Variants in DBF4 observed in about 807,000 individuals in gnomAD.
DBF4 encodes protein DBF4 homolog A.
Under a neutral mutation model 76.6 loss-of-function variants are expected in DBF4, and 25 were observed. The ratio of observed to expected loss-of-function variants is 0.33; its 90% CI spans 0.24 to 0.46. The LOEUF is 0.46. Among genes scored for constraint, DBF4 ranks in the 20% least tolerant of loss-of-function variants. The pLI is 1.00. For synonymous variants in DBF4, 213 were observed against 258.0 expected, an observed-to-expected ratio of 0.83 and a Z score of 1.67; for missense variants, 638 against 760.8, an observed-to-expected ratio of 0.84 and a Z score of 1.90.
chr7:87,883,920 T>A (rs910589416), intron 2 of DBF4, among the ~76,000 whole-genome samples: 1 of 152,234 alleles, frequency 6.6e-6, no homozygotes, highest in Non-Finnish European at 1.5e-5. Context: ...TCTAATAATA[T>A]TAGTAATTCT....
At chr7:87,895,158 G>A (rs1265486709) in intron 6 of DBF4, among the ~76,000 whole-genome samples, 4 of 152,012 alleles carry the variant, frequency 2.6e-5, no homozygotes, top group Non-Finnish European at 4.4e-5. Flanking sequence ...CTGCTATTGA[G>A]CTTATCCAGT....
chr7:87,876,497 C>T lies in DBF4; in HGVS notation c.-236C>T, dbSNP rs1289981805. 8.4e-6 allele frequency: 4 copies of T among 474,696 alleles called. No individual in the cohort carries two copies. The highest frequency in any genetic ancestry group is 1.5e-5 in the Non-Finnish European group (4 of 264,704). The allele number at this position is 474,696 out of a possible 1,614,324, so 29.4% of individuals were successfully genotyped here. On this transcript the variant is annotated 5_prime_UTR_variant, in exon 1 of 12. Coordinates refer to ENST00000265728, the MANE Select transcript of DBF4 (RefSeq NM_006716.4). ...GCGGCCGCGTGACGCGTTTTCAAAT[C>T]TTCAACCGCCGCAGCCCACTCGTTT...
chr7:87,906,506 T>C (rs1020804705), intron 11 of DBF4, among the ~76,000 whole-genome samples: 23 of 152,146 alleles, frequency 1.5e-4, no homozygotes, highest in African/African-American at 5.3e-4. Flanking sequence ...CTATTAACTT[T>C]TTCTCTAATT....
Position 87,880,194 on chromosome 7 carries a change from C to A in DBF4, c.219+1969C>A, listed in dbSNP as rs1048476217. On this transcript the variant is annotated intron_variant, in intron 2 of 11. Coordinates refer to ENST00000265728, the MANE Select transcript of DBF4 (RefSeq NM_006716.4). ...AGTACAGAGGCTAAAGCAAGAACTA[C>A]TTGCCCCGTCACCTTCTTTCTTCTA... Among the ~76,000 whole-genome samples, 3 of 152,304 alleles carry A rather than the reference C, an allele frequency of 2.0e-5. No homozygotes were observed. In the South Asian group the frequency reaches 6.2e-4, roughly 32 times the overall value.
Position 87,876,656 on chromosome 7 carries a change from C to T in DBF4, c.-77C>T, listed in dbSNP as rs926273833. On this transcript the variant is annotated 5_prime_UTR_variant, in exon 1 of 12. Coordinates refer to ENST00000265728, the MANE Select transcript of DBF4 (RefSeq NM_006716.4). Reference sequence around the variant, plus strand: ...AGAGGCGGCCGTCCTGTCAACAGGCCGGGGGAAGCCGTGCTTTCGCGGCTG... The same window carrying T: ...AGAGGCGGCCGTCCTGTCAACAGGCTGGGGGAAGCCGTGCTTTCGCGGCTG... 2.6e-6 allele frequency: 4 copies of T among 1,538,420 alleles called. No homozygotes were observed. The highest frequency in any genetic ancestry group is 3.6e-6 in the Non-Finnish European group (4 of 1,122,264).
chr7:87,900,183 A>G (rs1417186102), intron 8 of DBF4, 38 bp from the exon 9 acceptor site: 5 of 1,495,764 alleles, frequency 3.3e-6, no homozygotes, highest in African/African-American at 1.4e-5. Flanking sequence ...TTCTTTAATC[A>G]TAAAGAATCT....
chr7:87,894,570 G>A (rs979762794), intron 6 of DBF4, among the ~76,000 whole-genome samples: 3 of 152,266 alleles, frequency 2.0e-5, no homozygotes, highest in East Asian at 1.9e-4. Flanking sequence ...GGTTTTCTTC[G>A]GATATATCCC....
intron 6 of DBF4, among the ~76,000 whole-genome samples, chr7:87,894,097 A>C (rs1839565149): frequency 6.6e-6 from 1 of 152,204 alleles, no homozygotes; most frequent in Non-Finnish European, 1.5e-5. Flanking sequence ...TTATGCCATA[A>C]TGTTTAGTAC....
intron 8 of DBF4, among the ~76,000 whole-genome samples, chr7:87,898,409 AATG>A (rs1839691952): frequency 6.6e-6 from 1 of 152,156 alleles, no homozygotes; most frequent in Non-Finnish European, 1.5e-5. Flanking sequence ...TCAAAATCCC[AATG>A]ATGTTTTTTG....
chr7:87,887,984 C>T lies in DBF4; in HGVS notation c.522C>T (p.Asp174=). 1.3e-6 allele frequency: 2 copies of T among 1,542,300 alleles called. No homozygotes were observed. Among genetic ancestry groups the T allele is most frequent in the African/African-American group, 1.4e-5 (1 of 71,048 alleles). The change falls in exon 6 of 12, where the codon GAC becomes GAT. Residue 174 remains aspartate (D), a splice_region_variant and synonymous_variant. Coordinates refer to ENST00000265728, the MANE Select transcript of DBF4 (RefSeq NM_006716.4). ...AAAACCTTCTTTCTTTTAATAAAGA[C>T]ATTAGATACTACATTGAACAAAAGA... ...SWGVKILHID[D]IRYYIEQKKK...
intron 8 of DBF4, 48 bp from the exon 9 acceptor site, chr7:87,900,173 T>C: frequency 6.8e-7 from 1 of 1,463,422 alleles, no homozygotes; most frequent in Non-Finnish European, 9.3e-7. Context: ...TAAACCTTTT[T>C]TCTTTAATCA....
chr7:87,907,046 G>A, intron 11 of DBF4, 142 bp from the exon 12 acceptor site: 1 of 928,342 alleles, frequency 1.1e-6, no homozygotes, highest in Non-Finnish European at 1.5e-6. Context: ...ATGTTAAGAT[G>A]TTTGTATTTT....
In DBF4 at chr7:87,878,035, T is replaced by A. The variant is rs1261610308; in HGVS notation, c.47-18T>A. 6.4e-7 allele frequency: 1 copy of A among 1,559,546 alleles called. No homozygotes were observed. Among genetic ancestry groups the A allele is most frequent in the Non-Finnish European group, 8.7e-7 (1 of 1,152,450 alleles). ...AAAGTGTCTGTGTAAAACATCTGAT[T>A]CTAAACATCTTTAATAGGTGGAATC... On this transcript the variant is annotated intron_variant, in intron 1 of 11. Coordinates refer to ENST00000265728, the MANE Select transcript of DBF4 (RefSeq NM_006716.4).
intron 1 of DBF4, 44 bp from the exon 2 acceptor site, chr7:87,878,009 A>T: frequency 7.2e-7 from 1 of 1,387,852 alleles, no homozygotes; most frequent in Non-Finnish European, 9.9e-7. Flanking sequence ...TAAAAATAGT[A>T]AAAGTGTCTG....
Position 87,889,557 on chromosome 7 carries a change from G to A in DBF4, c.597+1498G>A, listed in dbSNP as rs369719170. On this transcript the variant is annotated intron_variant, in intron 6 of 11. Transcript: ENST00000265728. The stretch of plus-strand genomic sequence containing the variant: ...AGCCTCCCAAAGTGCTGAGATTACA[G>A]CCATAAGCAACCACACCCAGCCCTC... Among the ~76,000 whole-genome samples the A allele has an allele frequency of 5.9e-5, 9 of 152,226 alleles. No individual in the cohort carries two copies. In the East Asian group the frequency reaches 1.3e-3, roughly 23 times the overall value.
intron 10 of DBF4, among the ~76,000 whole-genome samples, chr7:87,903,902 G>A (rs1839851543): frequency 6.6e-6 from 1 of 151,912 alleles, no homozygotes; most frequent in Admixed American, 6.6e-5. Context: ...CACCATGTTG[G>A]CCAAGCTGGT....
At chr7:87,888,194 T>G (rs1323473050) in intron 6 of DBF4, 135 bp downstream of exon 6, 26 of 1,270,202 alleles carry the variant, frequency 2.0e-5, no homozygotes, top group Non-Finnish European at 2.6e-5. Flanking sequence ...GTTATTCAAA[T>G]AAATCGAGTG....
At chr7:87,895,001 A>C (rs1407274522) in intron 6 of DBF4, among the ~76,000 whole-genome samples, 1 of 152,082 alleles carries the variant, frequency 6.6e-6, no homozygotes, top group East Asian at 1.9e-4. Flanking sequence ...GTTGACAATA[A>C]AGTTAGACAT....
intron 6 of DBF4, among the ~76,000 whole-genome samples, chr7:87,894,436 CA>C (rs753707652): frequency 1.5e-4 from 23 of 151,556 alleles, no homozygotes; most frequent in Non-Finnish European, 2.8e-4. Flanking sequence ...TGCGACAGGG[CA>C]AGACCCTGTC....
Sources: allele counts gnomAD v4.1 joint callset (sites outside exome capture counted in the v4.1 genomes callset), GRCh38; gene constraint gnomAD v4.1.1; transcripts MANE v1.5; gene names NCBI Gene and HGNC (gene_info 2026-07-23, HGNC 2026-07-21).